PDE4D: variants seen among roughly 807,000 people sequenced by gnomAD.
The protein encoded by PDE4D is phosphodiesterase 4D.
Under a neutral mutation model 87.4 loss-of-function variants are expected in PDE4D, and 24 were observed. The ratio of observed to expected loss-of-function variants is 0.27; its 90% CI spans 0.20 to 0.39. The LOEUF is 0.39. Ranked by LOEUF, PDE4D falls within the 10% of genes least tolerant of loss-of-function variation. PDE4D has a pLI of 1.00. For synonymous variants in PDE4D, 384 were observed against 383.2 expected (o/e 1.00, Z -0.02); for missense variants, 714 against 1,041.0 (o/e 0.69, Z 4.32).
rs1381603495 is a variant in PDE4D at position 59,455,523 on chromosome 5, C to T, written c.456-239555G>A. ...CTCAGGCAAAAGTTTGCTGCAGTGG[C>T]AGGGCCCTCATGGAGAACCTCTGCT... On this transcript the variant is annotated intron_variant, in intron 1 of 14. Coordinates refer to ENST00000340635, the MANE Select transcript of PDE4D (RefSeq NM_001104631.2). Among the ~76,000 whole-genome samples, 3 of 152,230 alleles carry T rather than the reference C, an allele frequency of 2.0e-5. No individual in the cohort carries two copies. In the East Asian group the frequency reaches 5.8e-4, roughly 29 times the overall value.
At chr5:60,353,098 A>G (rs1759338205) in intron 1 of PDE4D, among the ~76,000 whole-genome samples, 1 of 152,192 alleles carries the variant, frequency 6.6e-6, no homozygotes, top group Non-Finnish European at 1.5e-5. Context: ...CTTCAGAAAT[A>G]GTTCCCAAGC....
At chr5:59,254,852 T>C (rs1760661810) in intron 1 of PDE4D, among the ~76,000 whole-genome samples, 1 of 152,172 alleles carries the variant, frequency 6.6e-6, no homozygotes, top group African/African-American at 2.4e-5. Flanking sequence ...TATTTATGTA[T>C]GTACAGTCTT....
At chr5:59,551,729 A>C (rs1296013044) in intron 1 of PDE4D, among the ~76,000 whole-genome samples, 1 of 152,166 alleles carries the variant, frequency 6.6e-6, no homozygotes, top group Non-Finnish European at 1.5e-5. Flanking sequence ...GATTTTTGAA[A>C]TACTTTATTA....
At chr5:59,587,945 A>T (rs1038119995) in intron 1 of PDE4D, among the ~76,000 whole-genome samples, 2 of 152,132 alleles carry the variant, frequency 1.3e-5, no homozygotes, top group South Asian at 4.1e-4. Context: ...AAGAAATAAA[A>T]GAAGTCCAGA....
intron 1 of PDE4D, among the ~76,000 whole-genome samples, chr5:59,250,020 T>C (rs1759608506): frequency 6.6e-6 from 1 of 151,968 alleles, no homozygotes; most frequent in Admixed American, 6.6e-5. Context: ...TTATTTTTTA[T>C]TTTTTGTAGA....
At chr5:60,269,790 A>G (rs1750623616) in intron 1 of PDE4D, among the ~76,000 whole-genome samples, 1 of 152,240 alleles carries the variant, frequency 6.6e-6, no homozygotes, top group African/African-American at 2.4e-5. Context: ...GTATACATGT[A>G]TTACAACATC....
Position 60,351,909 on chromosome 5 carries a change from G to A in PDE4D, c.-90+136033C>T, listed in dbSNP as rs574503539. Among the ~76,000 whole-genome samples the A allele has an allele frequency of 9.2e-4, 138 of 150,740 alleles. 1 individual carries two copies. The highest frequency in any genetic ancestry group is 1.6e-3 in the Non-Finnish European group (107 of 67,818). On this transcript the variant is annotated intron_variant, in intron 1 of 16. Coordinates refer to the PDE4D transcript ENST00000502484. The stretch of plus-strand genomic sequence containing the variant: ...CAGCCTTGAACTCTTGGGGTCAAGC[G>A]ATCCTCCCACCTCAGCCTCCTGAGT...
intron 5 of PDE4D, among the ~76,000 whole-genome samples, chr5:59,074,200 A>G (rs1212135880): frequency 1.3e-5 from 2 of 152,202 alleles, no homozygotes; most frequent in Non-Finnish European, 1.5e-5. Flanking sequence ...ATTAGTCAAG[A>G]AAGACTTTCT....
At chr5:59,122,441 G>C (rs903846749) in intron 5 of PDE4D, among the ~76,000 whole-genome samples, 1 of 152,000 alleles carries the variant, frequency 6.6e-6, no homozygotes, top group African/African-American at 2.4e-5. Flanking sequence ...TTGATTAATG[G>C]GTGCAAACAC....
intron 1 of PDE4D, among the ~76,000 whole-genome samples, chr5:59,245,642 T>C (rs942843831): frequency 6.6e-6 from 1 of 152,124 alleles, no homozygotes; most frequent in African/African-American, 2.4e-5. Flanking sequence ...TTACTTATAA[T>C]TGAGTGTATG....
intron 2 of PDE4D, among the ~76,000 whole-genome samples, chr5:60,171,093 C>T (rs1457341744): frequency 6.6e-6 from 1 of 152,018 alleles, no homozygotes; most frequent in African/African-American, 2.4e-5. Context: ...TCAAATAATA[C>T]TCCATGTACC....
At chr5:60,377,310 A>T (rs1761509949) in intron 1 of PDE4D, among the ~76,000 whole-genome samples, 3 of 152,230 alleles carry the variant, frequency 2.0e-5, no homozygotes, top group South Asian at 2.1e-4. Flanking sequence ...GGACACTCAA[A>T]CATTCCAGAA....
rs553709926 is a variant in PDE4D at position 59,875,186 on chromosome 5, G to A, written c.455+17982C>T. On this transcript the variant is annotated intron_variant, in intron 1 of 14. Coordinates refer to ENST00000340635, the MANE Select transcript of PDE4D (RefSeq NM_001104631.2). ...AACACAAGAAGGAATCTGTGGCTGG[G>A]CATGGTGGCTCATGCCTGTAATCCC... 5.3e-4 allele frequency among the ~76,000 whole-genome samples: 81 copies of A among 152,204 alleles called. 2 individuals are homozygous for A. The highest frequency in any genetic ancestry group is 6.2e-4 in the South Asian group (3 of 4,820).
At chr5:59,206,411 C>T (rs1216922590) in intron 2 of PDE4D, among the ~76,000 whole-genome samples, 1 of 152,144 alleles carries the variant, frequency 6.6e-6, no homozygotes, top group Non-Finnish European at 1.5e-5. Context: ...TCTCAAGAAA[C>T]ACATCACATA....
intron 5 of PDE4D, among the ~76,000 whole-genome samples, chr5:59,173,353 A>G (rs548097351): frequency 6.6e-6 from 1 of 152,358 alleles, no homozygotes; most frequent in Admixed American, 6.5e-5. Flanking sequence ...ATAAAAGCAT[A>G]AAAGGCCAAA....
chr5:59,664,418 A>T (rs1745734276), intron 1 of PDE4D, among the ~76,000 whole-genome samples: 1 of 152,234 alleles, frequency 6.6e-6, no homozygotes, highest in South Asian at 2.1e-4. Context: ...GATAAGTATA[A>T]ATCACTGAAT....
chr5:59,127,611 C>CCACTCCCCACCT (rs1775624019), intron 5 of PDE4D, among the ~76,000 whole-genome samples: 2 of 104,278 alleles, frequency 1.9e-5, no homozygotes, highest in Non-Finnish European at 4.7e-5. Context: ...CCCCACCCCC[C>CCACTCCCCACCT]CACCCCCCAC....
At chr5:59,851,764 G>A (rs1408952749) in intron 1 of PDE4D, among the ~76,000 whole-genome samples, 1 of 151,992 alleles carries the variant, frequency 6.6e-6, no homozygotes, top group African/African-American at 2.4e-5. Context: ...CTGCCATATT[G>A]TGAAGAGGGT....
At chr5:59,493,170 G>C (rs773254484) in intron 1 of PDE4D, among the ~76,000 whole-genome samples, 4 of 151,828 alleles carry the variant, frequency 2.6e-5, no homozygotes, top group Admixed American at 2.6e-4. Flanking sequence ...CAATATTTTA[G>C]GCATTTTGGC....
Sources: allele counts gnomAD v4.1 joint callset (sites outside exome capture counted in the v4.1 genomes callset), GRCh38; gene constraint gnomAD v4.1.1; transcripts MANE v1.5; gene names NCBI Gene and HGNC (gene_info 2026-07-23, HGNC 2026-07-21).